Variants in HAAO observed in about 807,000 individuals in gnomAD.
The protein encoded by HAAO is 3-hydroxyanthranilate 3,4-dioxygenase.
In HAAO, 49 loss-of-function variants were observed where a neutral mutation model predicts 46.2. That is an observed-to-expected ratio of 1.06 (90% CI 0.84 to 1.34). The LOEUF is 1.34. Among genes scored for constraint, HAAO ranks in the 40% most tolerant of loss-of-function variants. The pLI, the probability that HAAO is intolerant of heterozygous loss-of-function variation, is 0.00. For synonymous variants in HAAO, 157 were observed against 145.2 expected (o/e 1.08, Z -0.58); for missense variants, 408 against 364.5 (o/e 1.12, Z -0.97).
At chr2:42,792,409 G>T (rs202183911) in intron 1 of HAAO, 48 bp downstream of exon 1, 3 of 1,068,458 alleles carry the variant, frequency 2.8e-6, no homozygotes, top group African/African-American at 1.6e-5. Flanking sequence ...AGATGGAGGA[G>T]GGGGAGGAGG....
rs1323858112 is a variant in HAAO, at chr2:42,783,824, T to A, written c.203A>T (p.Glu68Val). The A allele has an allele frequency of 8.7e-6, 14 of 1,612,964 alleles. No individual in the cohort carries two copies. Among genetic ancestry groups the A allele is most frequent in the Non-Finnish European group, 1.2e-5 (14 of 1,179,586 alleles). The change falls in exon 3 of 10, where the codon GAG becomes GTG. Residue 68 changes from glutamate (E) to valine (V), a missense_variant. Transcript: ENST00000294973. ...GACCACATCCCGGTGTTTCCCTTGC[T>A]CCAGGACTCGGAGAACCATGTCTCC... Reference protein sequence around the residue: ...LEGDMVLRVLEQGKHRDVVIR... With the variant: ...LEGDMVLRVLVQGKHRDVVIR...
intron 4 of HAAO, among the ~76,000 whole-genome samples, chr2:42,778,750 G>A (rs898155451): frequency 3.3e-5 from 5 of 152,148 alleles, no homozygotes; most frequent in Non-Finnish European, 1.5e-5. Flanking sequence ...GCTCCTCAAG[G>A]CCCAGGGACT....
chr2:42,770,419 C>G, intron 5 of HAAO, 74 bp downstream of exon 5: 2 of 1,154,250 alleles, frequency 1.7e-6, no homozygotes, highest in African/African-American at 1.5e-5. Context: ...GGAGGGGAGA[C>G]TTTCTCCCAG....
intron 2 of HAAO, 102 bp from the exon 3 acceptor site, chr2:42,783,969 C>A (rs1672208502): frequency 6.5e-7 from 1 of 1,532,486 alleles, no homozygotes; most frequent in Non-Finnish European, 8.8e-7. Flanking sequence ...GAGAAACTTT[C>A]TGAAGGCCTT....
chr2:42,791,417 T>C (rs929680948), intron 1 of HAAO, among the ~76,000 whole-genome samples: 2 of 152,146 alleles, frequency 1.3e-5, no homozygotes, highest in Non-Finnish European at 2.9e-5. Context: ...AAGATGATGC[T>C]ACATCTTTAA....
At chr2:42,773,973 G>A (rs1377512894) in intron 4 of HAAO, among the ~76,000 whole-genome samples, 3 of 152,092 alleles carry the variant, frequency 2.0e-5, no homozygotes, top group Admixed American at 6.6e-5. Flanking sequence ...GAGACTAATC[G>A]GAAACTCAAA....
Position 42,767,183 on chromosome 2 carries a change from G to T in HAAO, c.*254C>A. The T allele has an allele frequency of 1.7e-6, 1 of 588,220 alleles. No individual in the cohort carries two copies. Among genetic ancestry groups the T allele is most frequent in the Non-Finnish European group, 3.1e-6 (1 of 327,688 alleles). 36.4% of individuals were successfully genotyped at this position (588,220 alleles called of 1,614,324 possible). A position where few individuals can be genotyped will look rare whatever the true frequency, so the allele number is the denominator to read the frequency against. ...AGAGGAATGGGCAGGAGCGGGGCCG[G>T]GGGTAGACCACCTGGCAAGACTGGC... On this transcript the variant is annotated 3_prime_UTR_variant, in exon 10 of 10. Coordinates refer to ENST00000294973, the MANE Select transcript of HAAO (RefSeq NM_012205.3).
chr2:42,776,231 C>CTTTTT (rs57398023), intron 4 of HAAO, among the ~76,000 whole-genome samples: 46 of 71,216 alleles, frequency 6.5e-4, no homozygotes, highest in African/African-American at 2.1e-3. Flanking sequence ...TGGCATCCAT[C>CTTTTT]TTTTTTTTTT....
chr2:42,788,675 T>C (rs910727127), intron 1 of HAAO, 68 bp from the exon 2 acceptor site: 1 of 1,027,190 alleles, frequency 9.7e-7, no homozygotes. Context: ...ACGGGTCCCG[T>C]GGGGGCCAGG....
At position 42,784,071 on chromosome 2, in the gene HAAO, G is replaced by C. The variant is rs747654092; in HGVS notation, c.160-204C>G. On this transcript the variant is annotated intron_variant, in intron 2 of 9. Coordinates refer to ENST00000294973, the MANE Select transcript of HAAO (RefSeq NM_012205.3). ...CCGGGGACACATGGGATCATGTCTTGGACATGCAAGTGATGACCAGAGTAC... is the reference window on the plus strand; with the variant it reads ...CCGGGGACACATGGGATCATGTCTTCGACATGCAAGTGATGACCAGAGTAC... The C allele has an allele frequency of 3.4e-4, 180 of 531,256 alleles. 1 individual carries two copies. Among genetic ancestry groups the C allele is most frequent in the Non-Finnish European group, 4.0e-4 (167 of 415,200 alleles). 32.9% of individuals were successfully genotyped at this position (531,256 alleles called of 1,614,324 possible).
intron 4 of HAAO, among the ~76,000 whole-genome samples, chr2:42,773,249 C>T (rs1671288842): frequency 1.3e-5 from 2 of 152,212 alleles, no homozygotes; most frequent in Non-Finnish European, 2.9e-5. Context: ...CCCATAGGAT[C>T]GCTGGGAAGA....
intron 4 of HAAO, among the ~76,000 whole-genome samples, chr2:42,772,549 A>T (rs907094113): frequency 3.3e-5 from 5 of 151,908 alleles, no homozygotes; most frequent in African/African-American, 1.2e-4. Flanking sequence ...GCATAGAAAT[A>T]AGACAAGATG....
chr2:42,775,986 T>G (rs763798558), intron 4 of HAAO, among the ~76,000 whole-genome samples: 7 of 150,870 alleles, frequency 4.6e-5, no homozygotes, highest in Non-Finnish European at 1.0e-4. Flanking sequence ...TGTGGAAGAG[T>G]GTGGTTTAGA....
At chr2:42,788,717 G>A (rs1421340142) in intron 1 of HAAO, 110 bp from the exon 2 acceptor site, 4 of 754,542 alleles carry the variant, frequency 5.3e-6, no homozygotes, top group Non-Finnish European at 9.6e-6. Flanking sequence ...GAGAGGAGCA[G>A]GGCTGTTTTG....
At chr2:42,787,859 T>C (rs541003017) in intron 2 of HAAO, among the ~76,000 whole-genome samples, 1 of 152,294 alleles carries the variant, frequency 6.6e-6, no homozygotes, top group South Asian at 2.1e-4. Context: ...CTTTTGTTTA[T>C]TTATTTTGGG....
intron 4 of HAAO, among the ~76,000 whole-genome samples, chr2:42,780,756 A>G (rs1279584481): frequency 6.6e-6 from 1 of 150,754 alleles, no homozygotes; most frequent in African/African-American, 2.4e-5. Flanking sequence ...TGTGTGTGCT[A>G]TTGACAGCTT....
At chr2:42,788,672 C>T in intron 1 of HAAO, 65 bp from the exon 2 acceptor site, 2 of 1,067,122 alleles carry the variant, frequency 1.9e-6, no homozygotes, top group Non-Finnish European at 2.9e-6. Flanking sequence ...AGCACGGGTC[C>T]CGTGGGGGCC....
At chr2:42,773,583 ATTTTT>A (rs58425059) in intron 4 of HAAO, among the ~76,000 whole-genome samples, 1 of 123,120 alleles carries the variant, frequency 8.1e-6, no homozygotes, top group Non-Finnish European at 1.7e-5. Flanking sequence ...CCTACCCCCT[ATTTTT>A]TTTTTTTTTT....
intron 2 of HAAO, among the ~76,000 whole-genome samples, chr2:42,786,922 T>G (rs923000277): frequency 2.6e-5 from 4 of 152,118 alleles, no homozygotes; most frequent in Non-Finnish European, 4.4e-5. Context: ...GTTACGCCAC[T>G]TCCACAGCGC....
Sources: gnomAD v4.1 joint callset for allele counts (sites outside exome capture counted in the v4.1 genomes callset) on GRCh38, gnomAD v4.1.1 for gene constraint, MANE v1.5 for transcripts, NCBI Gene and HGNC (gene_info 2026-07-23, HGNC 2026-07-21) for gene names.